The following ARNT2 variants were observed in gnomAD, a reference collection of about 807,000 sequenced individuals.
ARNT2 encodes aryl hydrocarbon receptor nuclear translocator 2.
Under a neutral mutation model 91.7 loss-of-function variants are expected in ARNT2, and 36 were observed. The observed-to-expected ratio is 0.39, with a 90% confidence interval of 0.30 to 0.52. The LOEUF is 0.52. Among genes scored for constraint, ARNT2 ranks in the 20% least tolerant of loss-of-function variants. The pLI is 0.72. For missense variants in ARNT2, 775 were observed against 939.3 expected (o/e 0.83, Z 2.29); for synonymous variants, 365 against 347.1 (o/e 1.05, Z -0.57).
chr15:80,503,230 C>A (rs1897224629), intron 5 of ARNT2, among the ~76,000 whole-genome samples: 1 of 152,206 alleles, frequency 6.6e-6, no homozygotes, highest in African/African-American at 2.4e-5. Flanking sequence ...AGACTGACTG[C>A]CATTCCATGA....
intron 5 of ARNT2, among the ~76,000 whole-genome samples, chr15:80,495,200 G>A (rs940740019): frequency 4.4e-4 from 67 of 152,150 alleles, no homozygotes; most frequent in African/African-American, 1.6e-3. Context: ...GCCCAGAGGG[G>A]GATGGTTCCC....
At chr15:80,450,359 G>A (rs565556622) in intron 1 of ARNT2, among the ~76,000 whole-genome samples, 71 of 152,292 alleles carry the variant, frequency 4.7e-4, no homozygotes, top group African/African-American at 1.6e-3. Flanking sequence ...GGCCAAGCAG[G>A]GCTCAGATAC....
chr15:80,556,282 C>T (rs1898186658), intron 11 of ARNT2: 1 of 152,242 alleles, frequency 6.6e-6, no homozygotes, highest in African/African-American at 2.4e-5. Flanking sequence ...GACTCTGTCT[C>T]AAATAAATAA....
chr15:80,592,498 C>T (rs533649202), intron 18 of ARNT2, among the ~76,000 whole-genome samples: 33 of 152,326 alleles, frequency 2.2e-4, no homozygotes, highest in Middle Eastern at 3.4e-3. Context: ...GGAACCACAT[C>T]GTGGGAGGGT....
At chr15:80,527,308 T>G (rs964963765) in intron 8 of ARNT2, among the ~76,000 whole-genome samples, 1 of 152,096 alleles carries the variant, frequency 6.6e-6, no homozygotes, top group East Asian at 1.9e-4. Context: ...AGGTCAAGGG[T>G]CATAACCGAG....
chr15:80,438,793 G>A (rs1425892414), intron 1 of ARNT2, among the ~76,000 whole-genome samples: 1 of 152,110 alleles, frequency 6.6e-6, no homozygotes, highest in Admixed American at 6.6e-5. Context: ...GGGTTCACGC[G>A]ATTCTCCTGC....
At chr15:80,539,590 A>G (rs1011161141) in intron 8 of ARNT2, among the ~76,000 whole-genome samples, 1 of 152,172 alleles carries the variant, frequency 6.6e-6, no homozygotes, top group African/African-American at 2.4e-5. Context: ...TTCCAAGCCA[A>G]TAAGTTAAGG....
rs187629677 is a variant in ARNT2 at position 80,533,709 on chromosome 15, G to A, written c.878-17490G>A. ...GCATGGAAAGGATTCAAGGTTCTAG[G>A]TTCCTCTGCCTCCCTTGAGAAATGA... On this transcript the variant is annotated intron_variant, in intron 8 of 18. Coordinates refer to ENST00000303329, the MANE Select transcript of ARNT2 (RefSeq NM_014862.4). Among the ~76,000 whole-genome samples the A allele has an allele frequency of 1.4e-4, 21 of 152,326 alleles. No individual in the cohort carries two copies. In the South Asian group the frequency reaches 4.1e-3, roughly 30 times the overall value.
rs909841093 is a variant in ARNT2 at position 80,591,233 on chromosome 15, C to G, written c.1919-335C>G. Among the ~76,000 whole-genome samples, 1 of 152,190 alleles carries G rather than the reference C, an allele frequency of 6.6e-6. No individual in the cohort carries two copies. The highest frequency in any genetic ancestry group is 2.4e-5 in the African/African-American group (1 of 41,442). Reference sequence around the variant, plus strand: ...ATGCAACAGATATGCCCCTTGCCCCCCAGATGCCCGCAGGAGGCCTTTGTG... The same window carrying G: ...ATGCAACAGATATGCCCCTTGCCCCGCAGATGCCCGCAGGAGGCCTTTGTG... On this transcript the variant is annotated intron_variant, in intron 17 of 18. Transcript: ENST00000303329. The surrounding 1 kb of genome is among the most constrained non-coding windows in gnomAD (Gnocchi z 5.1).
chr15:80,428,955 C>T (rs766674062), intron 1 of ARNT2, among the ~76,000 whole-genome samples: 20 of 152,100 alleles, frequency 1.3e-4, no homozygotes, highest in Non-Finnish European at 2.5e-4. Context: ...TATATGTCAT[C>T]GGGAGATTCT....
intron 8 of ARNT2, among the ~76,000 whole-genome samples, chr15:80,520,356 T>C (rs1024760187): frequency 6.6e-6 from 1 of 152,170 alleles, no homozygotes; most frequent in Non-Finnish European, 1.5e-5. Context: ...CACTGGATAT[T>C]TTTTATTTCT....
chr15:80,551,390 G>T, intron 9 of ARNT2, 115 bp downstream of exon 9: 1 of 992,960 alleles, frequency 1.0e-6, no homozygotes, highest in Non-Finnish European at 1.5e-6. Context: ...GTATTTGTTG[G>T]GTTTCGTGTC....
At chr15:80,495,036 T>C (rs1029086768) in intron 5 of ARNT2, among the ~76,000 whole-genome samples, 3 of 152,160 alleles carry the variant, frequency 2.0e-5, no homozygotes, top group South Asian at 2.1e-4. Context: ...CAGGGCCTAT[T>C]AGTCGCAATG....
chr15:80,448,988 A>AAAAC (rs1567182375), intron 1 of ARNT2, among the ~76,000 whole-genome samples: 6 of 152,192 alleles, frequency 3.9e-5, no homozygotes, highest in African/African-American at 1.2e-4. Context: ...CCGTCTCAAA[A>AAAAC]AAAACAAAAC....
At chr15:80,561,369 C>A (rs1898346529) in intron 11 of ARNT2, among the ~76,000 whole-genome samples, 1 of 152,154 alleles carries the variant, frequency 6.6e-6, no homozygotes, top group Non-Finnish European at 1.5e-5. Context: ...GTATTTTGTG[C>A]CAGGGGTGTA....
At position 80,450,968 on chromosome 15, in the gene ARNT2, T is replaced by C; in HGVS notation, c.120T>C (p.Pro40=). 1 of 1,614,022 alleles carries C rather than the reference T, an allele frequency of 6.2e-7. No individual in the cohort carries two copies. The highest frequency in any genetic ancestry group is 8.5e-7 in the Non-Finnish European group (1 of 1,179,986). ...AGGTGAGGATGGCGGGGGCCATGCCTGCCCGTGGAGGAAAGCGGCGTTCCG... is the reference window on the plus strand; with the variant it reads ...AGGTGAGGATGGCGGGGGCCATGCCCGCCCGTGGAGGAAAGCGGCGTTCCG... ...TGQVRMAGAM[P]ARGGKRRSGM... The change falls in exon 2 of 19, where the codon CCT becomes CCC. Residue 40 remains proline, a synonymous_variant. Transcript: ENST00000303329.
At chr15:80,439,712 C>T (rs1374213) in intron 1 of ARNT2, among the ~76,000 whole-genome samples, 84,668 of 152,016 alleles carry the variant, frequency 0.56, 23,705 homozygotes, top group East Asian at 0.64. Flanking sequence ...TCATTCATTT[C>T]TTTCCCCTAC....
intron 3 of ARNT2, among the ~76,000 whole-genome samples, chr15:80,464,757 C>A (rs1434554731): frequency 6.6e-6 from 1 of 152,204 alleles, no homozygotes; most frequent in East Asian, 1.9e-4. Context: ...ATGGCTCTTA[C>A]AATGCCCTGC....
intron 5 of ARNT2, among the ~76,000 whole-genome samples, chr15:80,486,127 T>A (rs1896969305): frequency 1.3e-5 from 2 of 152,206 alleles, no homozygotes; most frequent in South Asian, 4.1e-4. Flanking sequence ...GTCCAATCTC[T>A]GTCTCCATCA....
Sources: allele counts gnomAD v4.1 joint callset (sites outside exome capture counted in the v4.1 genomes callset), GRCh38; gene constraint gnomAD v4.1.1; non-coding constraint Gnocchi (gnomAD v3.1); transcripts MANE v1.5; gene names NCBI Gene and HGNC (gene_info 2026-07-23, HGNC 2026-07-21).